Variants in PRELID2 observed in about 807,000 individuals in gnomAD.
PRELID2 encodes the protein PRELI domain-containing protein 2.
In PRELID2, 25 loss-of-function variants were observed where a neutral mutation model predicts 28.4. The ratio of observed to expected loss-of-function variants is 0.88; its 90% CI spans 0.64 to 1.23. The LOEUF is 1.23. Among genes scored for constraint, PRELID2 ranks in the 50% most tolerant of loss-of-function variants. The pLI is 0.00. For synonymous variants in PRELID2, 76 were observed against 71.6 expected (o/e 1.06, Z -0.31); for missense variants, 201 against 214.4 (o/e 0.94, Z 0.39).
chr5:145,375,155 T>A, the PRELID2 span, among the ~76,000 whole-genome samples: 4 of 152,074 alleles, frequency 2.6e-5, no homozygotes, highest in Non-Finnish European at 5.9e-5. Flanking sequence ...GACCCTTGAA[T>A]GCAGTTTTTG....
At chr5:145,251,656 C>T in the PRELID2 span, among the ~76,000 whole-genome samples, 8 of 152,176 alleles carry the variant, frequency 5.3e-5, no homozygotes, top group Non-Finnish European at 8.8e-5. Context: ...TGGATACCCT[C>T]GACAAAATAG....
chr5:145,346,295 T>C, the PRELID2 span, among the ~76,000 whole-genome samples: 1 of 152,142 alleles, frequency 6.6e-6, no homozygotes, highest in African/African-American at 2.4e-5. Context: ...CACATTTGAA[T>C]TGCAGTCAGC....
the PRELID2 span, among the ~76,000 whole-genome samples, chr5:145,256,740 G>T: frequency 2.0e-5 from 3 of 151,946 alleles, no homozygotes; most frequent in South Asian, 6.2e-4. Flanking sequence ...AAAGTAGCCA[G>T]AAGGGAAAAC....
At chr5:145,780,221 G>A (rs112596711) in intron 5 of PRELID2, among the ~76,000 whole-genome samples, 2,248 of 152,292 alleles carry the variant, frequency 0.015, 55 homozygotes, top group African/African-American at 0.051. Flanking sequence ...GCTGAGGCAG[G>A]AGAATCACTT....
At chr5:145,271,045 C>T in the PRELID2 span, among the ~76,000 whole-genome samples, 2,023 of 152,028 alleles carry the variant, frequency 0.013, 42 homozygotes, top group African/African-American at 0.047. Context: ...CGGGAAAGAG[C>T]CCCTTATAAA....
At chr5:145,329,253 G>A in the PRELID2 span, among the ~76,000 whole-genome samples, 2,120 of 152,118 alleles carry the variant, frequency 0.014, 41 homozygotes, top group African/African-American at 0.048. Context: ...GGATTGTCTT[G>A]GCTATAAGCG....
the PRELID2 span, among the ~76,000 whole-genome samples, chr5:145,440,023 C>A: frequency 6.6e-6 from 1 of 152,084 alleles, no homozygotes; most frequent in Non-Finnish European, 1.5e-5. Context: ...ACCTCTATCC[C>A]AGCAGGCTAT....
chr5:145,710,462 C>G (rs749350392), intron 1 of PRELID2, among the ~76,000 whole-genome samples: 9 of 152,142 alleles, frequency 5.9e-5, no homozygotes, highest in Non-Finnish European at 1.0e-4. Flanking sequence ...TTAAAAGATT[C>G]TTCTAGCTCT....
the PRELID2 span, among the ~76,000 whole-genome samples, chr5:145,392,534 T>TA: frequency 6.6e-6 from 1 of 152,050 alleles, no homozygotes; most frequent in African/African-American, 2.4e-5. Context: ...AGAGCGTATG[T>TA]AGTAAAAAGG....
At chr5:145,495,775 C>G (rs891563672) in intron 1 of PRELID2, among the ~76,000 whole-genome samples, 3 of 152,160 alleles carry the variant, frequency 2.0e-5, no homozygotes, top group Non-Finnish European at 4.4e-5. Flanking sequence ...ACTCATTAGA[C>G]TTTGCTGGGA....
chr5:145,564,032 A>G (rs2126696148), intron 1 of PRELID2, among the ~76,000 whole-genome samples: 1 of 152,336 alleles, frequency 6.6e-6, no homozygotes, highest in East Asian at 1.9e-4. Context: ...TTGTGCAAGT[A>G]AAATATAAGC....
intron 1 of PRELID2, among the ~76,000 whole-genome samples, chr5:145,598,002 C>T (rs1295457045): frequency 6.6e-6 from 1 of 152,042 alleles, no homozygotes; most frequent in African/African-American, 2.4e-5. Context: ...TAAAGCAATA[C>T]TTGGGCTTCA....
chr5:145,805,687 G>A (rs956735116), intron 4 of PRELID2, among the ~76,000 whole-genome samples: 3 of 152,188 alleles, frequency 2.0e-5, no homozygotes, highest in Non-Finnish European at 2.9e-5. Flanking sequence ...GATATGTTCT[G>A]AGAAATGCAT....
intron 1 of PRELID2, among the ~76,000 whole-genome samples, chr5:145,517,291 GAA>G (rs199680141): frequency 6.8e-6 from 1 of 146,510 alleles, no homozygotes; most frequent in African/African-American, 2.5e-5. Context: ...AAATTTACGA[GAA>G]AAAAAAAATG....
At chr5:145,557,538 G>C (rs1045267755) in intron 1 of PRELID2, among the ~76,000 whole-genome samples, 1 of 152,182 alleles carries the variant, frequency 6.6e-6, no homozygotes, top group Non-Finnish European at 1.5e-5. Flanking sequence ...AGAATGAAGT[G>C]AATGACCTGG....
At chr5:145,350,162 T>C in the PRELID2 span, among the ~76,000 whole-genome samples, 1 of 152,230 alleles carries the variant, frequency 6.6e-6, no homozygotes, top group African/African-American at 2.4e-5. Flanking sequence ...TATATGTGCA[T>C]CAAATAAGAT....
At chr5:145,673,602 C>G (rs907437093) in intron 1 of PRELID2, among the ~76,000 whole-genome samples, 1 of 151,950 alleles carries the variant, frequency 6.6e-6, no homozygotes, top group Non-Finnish European at 1.5e-5. Context: ...TCAAAGCTCT[C>G]AATCATATCA....
At chr5:145,485,653 C>T (rs1229820098) in intron 1 of PRELID2, among the ~76,000 whole-genome samples, 8 of 152,190 alleles carry the variant, frequency 5.3e-5, no homozygotes, top group Non-Finnish European at 1.2e-4. Context: ...ACCGCTGCAA[C>T]CCACCCATCC....
chr5:145,740,265 AATATATATATATATATAT>A (rs70998029), intron 1 of PRELID2, among the ~76,000 whole-genome samples: 950 of 40,644 alleles, frequency 0.023, 21 homozygotes, highest in East Asian at 0.072. Context: ...GGATTTATCA[AATATATATATATATATAT>A]ATATATATAT....
Sources: allele counts gnomAD v4.1 joint callset (sites outside exome capture counted in the v4.1 genomes callset), GRCh38; gene constraint gnomAD v4.1.1; transcripts MANE v1.5; gene names NCBI Gene and HGNC (gene_info 2026-07-23, HGNC 2026-07-21).